The following CNTNAP5 variants were observed in gnomAD, a reference collection of about 807,000 sequenced individuals.
CNTNAP5 encodes contactin associated protein family member 5.
Under a neutral mutation model 150.2 loss-of-function variants are expected in CNTNAP5, and 72 were observed. The observed-to-expected ratio is 0.48, with a 90% CI of 0.40 to 0.58. CNTNAP5 has a LOEUF of 0.58. Ranked by LOEUF, CNTNAP5 falls within the 20% of genes least tolerant of loss-of-function variation. The pLI, the probability that CNTNAP5 is intolerant of heterozygous loss-of-function variation, is 0.00. For missense variants in CNTNAP5, 1,636 were observed against 1,626.2 expected, an observed-to-expected ratio of 1.01 and a Z score of -0.10; for synonymous variants, 672 against 619.8, an observed-to-expected ratio of 1.08 and a Z score of -1.25.
At chr2:124,065,339 A>C (rs933350234) in intron 1 of CNTNAP5, among the ~76,000 whole-genome samples, 3 of 152,204 alleles carry the variant, frequency 2.0e-5, no homozygotes, top group Admixed American at 1.3e-4. Context: ...CACTGGTATC[A>C]TACCTGATTC....
chr2:124,825,478 C>T (rs924232117), intron 19 of CNTNAP5, among the ~76,000 whole-genome samples: 11 of 152,140 alleles, frequency 7.2e-5, no homozygotes, highest in African/African-American at 2.4e-4. Context: ...AGACAGTTGA[C>T]CTTAACTATA....
chr2:124,521,797 C>A (rs1038681501), intron 8 of CNTNAP5, among the ~76,000 whole-genome samples: 2 of 152,136 alleles, frequency 1.3e-5, no homozygotes, highest in Non-Finnish European at 2.9e-5. Context: ...AAAGGACTTA[C>A]AATTGACTGT....
At chr2:124,088,048 TC>T (rs1336357177) in intron 1 of CNTNAP5, among the ~76,000 whole-genome samples, 1 of 152,128 alleles carries the variant, frequency 6.6e-6, no homozygotes, top group Non-Finnish European at 1.5e-5. Flanking sequence ...CCACCCTCTT[TC>T]TTCTGGAACT....
intron 3 of CNTNAP5, among the ~76,000 whole-genome samples, chr2:124,321,940 A>G (rs1689109776): frequency 6.6e-6 from 1 of 152,118 alleles, no homozygotes; most frequent in Admixed American, 6.5e-5. Flanking sequence ...ACCTGAGGTC[A>G]GGAGTTCGAG....
intron 1 of CNTNAP5, among the ~76,000 whole-genome samples, chr2:124,039,996 A>C (rs770814952): frequency 6.6e-6 from 1 of 152,170 alleles, no homozygotes; most frequent in African/African-American, 2.4e-5. Context: ...CCCCAAGGTC[A>C]ATATTGACTT....
At chr2:124,661,066 G>A (rs1678579455) in intron 13 of CNTNAP5, among the ~76,000 whole-genome samples, 1 of 151,966 alleles carries the variant, frequency 6.6e-6, no homozygotes, top group South Asian at 2.1e-4. Flanking sequence ...AGGGAATGAT[G>A]TGTGAATGTG....
At chr2:124,823,837 A>G (rs1042654610) in intron 19 of CNTNAP5, among the ~76,000 whole-genome samples, 1 of 151,958 alleles carries the variant, frequency 6.6e-6, no homozygotes, top group African/African-American at 2.4e-5. Flanking sequence ...GTGCATGGTG[A>G]TGAGTTGCTG....
intron 1 of CNTNAP5, among the ~76,000 whole-genome samples, chr2:124,062,670 G>C (rs1299284622): frequency 1.3e-5 from 2 of 152,178 alleles, no homozygotes; most frequent in Non-Finnish European, 2.9e-5. Flanking sequence ...GTCATAAGAA[G>C]TTTAAGGATA....
At chr2:124,171,023 T>C (rs1183929647) in intron 1 of CNTNAP5, among the ~76,000 whole-genome samples, 1 of 152,194 alleles carries the variant, frequency 6.6e-6, no homozygotes, top group South Asian at 2.1e-4. Flanking sequence ...TACCCTGCCA[T>C]GTAGGTTGAT....
chr2:124,890,163 A>G lies in CNTNAP5; in HGVS notation c.3437-12719A>G, dbSNP rs116856813. 5.3e-5 allele frequency among the ~76,000 whole-genome samples: 8 copies of G among 152,188 alleles called. No homozygotes were observed. In the East Asian group the frequency reaches 7.8e-4, roughly 15 times the overall value. ...TAGTACATGCTATTGGTGCTCTATC[A>G]TAGCCCCTGACTTTACCACTTCAAT... On this transcript the variant is annotated intron_variant, in intron 21 of 23. Coordinates refer to ENST00000682447, the MANE Select transcript of CNTNAP5 (RefSeq NM_001367498.1).
At chr2:124,788,097 ATGT>A (rs1361593016) in intron 17 of CNTNAP5, among the ~76,000 whole-genome samples, 1 of 152,158 alleles carries the variant, frequency 6.6e-6, no homozygotes, top group East Asian at 1.9e-4. Context: ...TTTGAAACAA[ATGT>A]TGTGTTCTTT....
At chr2:124,551,492 A>AT (rs1695627276) in intron 10 of CNTNAP5, among the ~76,000 whole-genome samples, 1 of 152,210 alleles carries the variant, frequency 6.6e-6, no homozygotes, top group African/African-American at 2.4e-5. Context: ...TTGGCTGCTA[A>AT]TTAAAGCAAA....
chr2:124,118,477 G>T (rs1398252829), intron 1 of CNTNAP5, among the ~76,000 whole-genome samples: 2 of 152,194 alleles, frequency 1.3e-5, no homozygotes, highest in African/African-American at 4.8e-5. Flanking sequence ...TTGTTTTCCA[G>T]TAAGAAACTG....
chr2:124,244,334 G>A (rs1686963462), intron 3 of CNTNAP5, among the ~76,000 whole-genome samples: 1 of 152,074 alleles, frequency 6.6e-6, no homozygotes, highest in Non-Finnish European at 1.5e-5. Flanking sequence ...CTAGACACAT[G>A]GCAGGAACTT....
At chr2:124,506,129 T>C (rs893627093) in intron 8 of CNTNAP5, among the ~76,000 whole-genome samples, 2 of 151,090 alleles carry the variant, frequency 1.3e-5, no homozygotes, top group Admixed American at 1.3e-4. Context: ...GGAATATAGA[T>C]TCAGGTTGCC....
At chr2:124,407,100 C>A (rs865921217) in intron 3 of CNTNAP5, among the ~76,000 whole-genome samples, 6 of 152,138 alleles carry the variant, frequency 3.9e-5, no homozygotes, top group African/African-American at 1.4e-4. Flanking sequence ...TTGATGGACA[C>A]GCATTGTTTC....
intron 11 of CNTNAP5, among the ~76,000 whole-genome samples, chr2:124,580,763 G>T (rs962752744): frequency 2.6e-5 from 4 of 152,126 alleles, no homozygotes; most frequent in African/African-American, 4.8e-5. Flanking sequence ...GTATCTGTTC[G>T]CCTTAACAAG....
At chr2:124,258,202 C>A (rs549996450) in intron 3 of CNTNAP5, among the ~76,000 whole-genome samples, 2 of 152,216 alleles carry the variant, frequency 1.3e-5, no homozygotes, top group East Asian at 3.9e-4. Context: ...TTGGAGAAGG[C>A]AGCCTAGAGT....
intron 4 of CNTNAP5, among the ~76,000 whole-genome samples, chr2:124,423,322 A>T (rs567038549): frequency 6.6e-6 from 1 of 152,196 alleles, no homozygotes; most frequent in South Asian, 2.1e-4. Flanking sequence ...AAACTTCCCT[A>T]TATTTTTTTT....
Sources: gnomAD v4.1 joint callset for allele counts (sites outside exome capture counted in the v4.1 genomes callset) on GRCh38, gnomAD v4.1.1 for gene constraint, MANE v1.5 for transcripts, NCBI Gene and HGNC (gene_info 2026-07-23, HGNC 2026-07-21) for gene names.